The following AACS variants were observed in gnomAD, a reference collection of about 807,000 sequenced individuals.
AACS encodes the protein acetoacetate-CoA ligase.
In AACS, 69 loss-of-function variants were observed where a neutral mutation model predicts 83.1. The ratio of observed to expected loss-of-function variants is 0.83; its 90% CI spans 0.68 to 1.01. The LOEUF is 1.01. Among genes scored for constraint, AACS ranks in the 50% least tolerant of loss-of-function variants. The pLI is 0.00. For missense variants in AACS, 866 were observed against 882.2 expected (o/e 0.98, Z 0.23); for synonymous variants, 333 against 343.4 (o/e 0.97, Z 0.33).
At chr12:125,116,270 T>TG (rs1296850244) in intron 9 of AACS, among the ~76,000 whole-genome samples, 1 of 152,122 alleles carries the variant, frequency 6.6e-6, no homozygotes, top group African/African-American at 2.4e-5. Context: ...GCTGCCTCCC[T>TG]GGGACACGGC....
At chr12:125,109,446 C>G (rs1380557785) in intron 8 of AACS, among the ~76,000 whole-genome samples, 1 of 152,318 alleles carries the variant, frequency 6.6e-6, no homozygotes, top group East Asian at 1.9e-4. Context: ...GTCCTAAAAG[C>G]CTCTTTCGCC....
At chr12:125,123,573 C>G (rs542532148) in intron 10 of AACS, 1 of 152,406 alleles carries the variant, frequency 6.6e-6, no homozygotes, top group East Asian at 1.9e-4. Context: ...CCTGCCATTG[C>G]CTTAGCCACG....
chr12:125,072,378 G>A (rs1194159854), intron 1 of AACS, among the ~76,000 whole-genome samples: 1 of 152,184 alleles, frequency 6.6e-6, no homozygotes, highest in East Asian at 1.9e-4. Flanking sequence ...GGAGCATCGT[G>A]TCTCTTCTTG....
chr12:125,075,138 C>A (rs1330300182), intron 2 of AACS, among the ~76,000 whole-genome samples: 1 of 151,534 alleles, frequency 6.6e-6, no homozygotes, highest in Non-Finnish European at 1.5e-5. Context: ...CCACGCCCAG[C>A]CAATTTTTGT....
In AACS at chr12:125,077,312, T is replaced by C. The variant is rs558113591; in HGVS notation, c.358+701T>C. ...GATCACGAGGTCAGGAGATCGAGAC[T>C]GTCCTGGCTAACATGGTGAAACCCC... On this transcript the variant is annotated intron_variant, in intron 3 of 17. Transcript: ENST00000316519. Among the ~76,000 whole-genome samples, 429 of 152,010 alleles carry C rather than the reference T, an allele frequency of 2.8e-3. 3 individuals carry two copies. The highest frequency in any genetic ancestry group is 7.3e-3 in the African/African-American group (304 of 41,464).
At chr12:125,076,655 C>A (rs1338607179) in intron 3 of AACS, 44 bp downstream of exon 3, 1 of 1,611,422 alleles carries the variant, frequency 6.2e-7, no homozygotes, top group East Asian at 2.2e-5. Flanking sequence ...CGTGGAAGTT[C>A]TAGATGGTGC....
intron 2 of AACS, 22 bp downstream of exon 2, chr12:125,074,001 A>C (rs779212217): frequency 4.5e-6 from 7 of 1,566,832 alleles, no homozygotes; most frequent in Non-Finnish European, 6.1e-6. Flanking sequence ...TTTTCCGTGG[A>C]TATCATCTCT....
chr12:125,129,646 T>C lies in AACS; in HGVS notation c.1549+186T>C, dbSNP rs745825784. 5.9e-5 allele frequency among the ~76,000 whole-genome samples: 9 copies of C among 152,196 alleles called. No individual in the cohort carries two copies. Among genetic ancestry groups the C allele is most frequent in the Non-Finnish European group, 1.2e-4 (8 of 68,038 alleles). ...TGATCAATATCTTGTTGTCTTCAGCTTGAAGCTATCGTGTGCAACTGCAAT... is the reference window on the plus strand; with the variant it reads ...TGATCAATATCTTGTTGTCTTCAGCCTGAAGCTATCGTGTGCAACTGCAAT... On this transcript the variant is annotated intron_variant, in intron 14 of 17. Transcript: ENST00000316519. The surrounding 1 kb of genome is among the most constrained non-coding windows in gnomAD (Gnocchi z 4.3).
intron 5 of AACS, among the ~76,000 whole-genome samples, chr12:125,098,458 T>C (rs1196228360): frequency 6.6e-6 from 1 of 151,710 alleles, no homozygotes; most frequent in East Asian, 1.9e-4. Context: ...ATTACCTTTT[T>C]TTTTTTTTTC....
At chr12:125,120,437 T>C (rs1195970286) in intron 10 of AACS, 1 of 152,194 alleles carries the variant, frequency 6.6e-6, no homozygotes, top group East Asian at 1.9e-4. Context: ...ATTTTAAATA[T>C]AACTTGGCCT....
chr12:125,115,913 C>T (rs1024096310), intron 9 of AACS, among the ~76,000 whole-genome samples: 8 of 152,186 alleles, frequency 5.3e-5, no homozygotes, highest in African/African-American at 1.9e-4. Flanking sequence ...GTGCAGGGGA[C>T]AGACCCCTGG....
In AACS at chr12:125,142,187, C is replaced by G; in HGVS notation, c.1977C>G (p.Thr659=). ...EQGGAFSNPE[T]LDLYRDIPEL... ...GAGGTGCTTTCTCGAACCCCGAGAC[C>G]CTGGATCTGTACCGGGACATCCCTG... The change falls in exon 18 of 18, where the codon ACC becomes ACG. Residue 659 remains threonine, a synonymous_variant. Transcript: ENST00000316519. 2 of 1,614,174 alleles carry G rather than the reference C, an allele frequency of 1.2e-6. No homozygotes were observed. The highest frequency in any genetic ancestry group is 1.7e-6 in the Non-Finnish European group (2 of 1,180,034).
intron 1 of AACS, among the ~76,000 whole-genome samples, chr12:125,067,157 G>A (rs1344602891): frequency 6.6e-6 from 1 of 152,316 alleles, no homozygotes; most frequent in East Asian, 1.9e-4. Flanking sequence ...CTCCACAGCA[G>A]TGGGGAGCTT....
chr12:125,101,582 C>G (rs1240689969), intron 5 of AACS: 8 of 152,162 alleles, frequency 5.3e-5, no homozygotes, highest in Admixed American at 3.3e-4. Flanking sequence ...TTTGTATACA[C>G]TAGCAGAGCT....
chr12:125,087,432 A>G (rs1956364620), intron 4 of AACS, among the ~76,000 whole-genome samples: 1 of 152,252 alleles, frequency 6.6e-6, no homozygotes, highest in African/African-American at 2.4e-5. Flanking sequence ...TACCCCAAAC[A>G]TACTTGTTAG....
At chr12:125,084,466 C>A (rs189966894) in intron 3 of AACS, among the ~76,000 whole-genome samples, 1 of 151,226 alleles carries the variant, frequency 6.6e-6, no homozygotes, top group Non-Finnish European at 1.5e-5. Flanking sequence ...TGCAGTGGTA[C>A]GAACATAGGT....
chr12:125,080,493 A>G (rs1391156252), intron 3 of AACS, among the ~76,000 whole-genome samples: 1 of 149,874 alleles, frequency 6.7e-6, no homozygotes, highest in Non-Finnish European at 1.5e-5. Flanking sequence ...TCTCTCTGTT[A>G]CATACAGTAT....
At chr12:125,131,357 G>A (rs1241091255) in intron 14 of AACS, among the ~76,000 whole-genome samples, 2 of 151,960 alleles carry the variant, frequency 1.3e-5, no homozygotes, top group Non-Finnish European at 2.9e-5. Flanking sequence ...GACTACAGGT[G>A]TGTGCTACCA....
Position 125,118,490 on chromosome 12 carries a change from G to A in AACS, c.997-151G>A, listed in dbSNP as rs1343791886. 2.6e-5 allele frequency: 26 copies of A among 990,078 alleles called. No homozygotes were observed. In the East Asian group the frequency reaches 3.5e-4, roughly 13 times the overall value. 61.3% of individuals were successfully genotyped at this position (990,078 alleles called of 1,614,324 possible). ...ATCCATTCTTAGATGTGGAGTTGCC[G>A]GGCCAGAGTGTCCTGCATTTGAAAT... On this transcript the variant is annotated intron_variant, in intron 9 of 17. Transcript: ENST00000316519.
Sources: gnomAD v4.1 joint callset for allele counts (sites outside exome capture counted in the v4.1 genomes callset) on GRCh38, gnomAD v4.1.1 for gene constraint, Gnocchi (gnomAD v3.1) non-coding constraint, MANE v1.5 for transcripts, NCBI Gene and HGNC (gene_info 2026-07-23, HGNC 2026-07-21) for gene names.